The following METTL6 variants were observed in gnomAD, a reference collection of about 807,000 sequenced individuals.
METTL6 encodes the protein methyltransferase 6, tRNA N3-cytidine, also known as tRNA N(3)-cytidine methyltransferase METTL6.
In METTL6, 22 loss-of-function variants were observed where a neutral mutation model predicts 26.4. The ratio of observed to expected loss-of-function variants is 0.83; its 90% confidence interval spans 0.59 to 1.19. METTL6 has a LOEUF of 1.19. Ranked by LOEUF, METTL6 falls within the 50% of genes most tolerant of loss-of-function variation. METTL6 has a pLI of 0.00. For missense variants in METTL6, 304 were observed against 324.8 expected (o/e 0.94, Z 0.49); for synonymous variants, 109 against 116.2 (o/e 0.94, Z 0.40).
chr3:15,413,983 G>A, intron 5 of METTL6, 38 bp downstream of exon 5: 1 of 1,613,050 alleles, frequency 6.2e-7, no homozygotes, highest in Non-Finnish European at 8.5e-7. Context: ...CAGAAACAAA[G>A]AATAAAACAT....
At chr3:15,400,028 T>G (rs1699597415) in intron 6 of METTL6, among the ~76,000 whole-genome samples, 1 of 152,104 alleles carries the variant, frequency 6.6e-6, no homozygotes. Flanking sequence ...CCCCCTTATC[T>G]GCCTAGAGAT....
At chr3:15,403,001 G>C (rs1489814168) in intron 6 of METTL6, among the ~76,000 whole-genome samples, 1 of 152,166 alleles carries the variant, frequency 6.6e-6, no homozygotes, top group African/African-American at 2.4e-5. Context: ...CCTAAAGTTA[G>C]TTCAGGAATG....
At position 15,410,358 on chromosome 3, in the gene METTL6, T is replaced by C. The variant is rs984197003; in HGVS notation, c.*898A>G. Among the ~76,000 whole-genome samples, 1 of 152,220 alleles carries C rather than the reference T, an allele frequency of 6.6e-6. No individual in the cohort carries two copies. The highest frequency in any genetic ancestry group is 1.5e-5 in the Non-Finnish European group (1 of 68,044). ...TTTTTTTTGAGACAGACTTTTGCTC[T>C]GTCGCCCAGGCTGGAGTGCAGTAGC... On this transcript the variant is annotated 3_prime_UTR_variant, in exon 6 of 6. Transcript: ENST00000383790.
intron 5 of METTL6, 122 bp from the exon 6 acceptor site, chr3:15,411,559 C>A: frequency 1.2e-5 from 12 of 968,248 alleles, no homozygotes. Flanking sequence ...AACCTCAATG[C>A]TAAAATTTAA....
chr3:15,388,916 C>T (rs1226501585), intron 6 of METTL6, among the ~76,000 whole-genome samples: 1 of 152,168 alleles, frequency 6.6e-6, no homozygotes, highest in African/African-American at 2.4e-5. Flanking sequence ...AGAGTTGGTT[C>T]AGTCAGATCT....
At chr3:15,420,574 T>C (rs80298968) in intron 3 of METTL6, among the ~76,000 whole-genome samples, 3,359 of 152,282 alleles carry the variant, frequency 0.022, 109 homozygotes, top group African/African-American at 0.075. Context: ...TTTATACCAA[T>C]GTGTTTACAG....
chr3:15,383,404 T>C (rs1291156879), exon 7 of METTL6: 1 of 111,164 alleles, frequency 9.0e-6, no homozygotes, highest in African/African-American at 5.1e-5. Context: ...TTATTTTTAC[T>C]TTTTTTTTTT....
intron 5 of METTL6, among the ~76,000 whole-genome samples, chr3:15,411,785 G>A (rs1402602129): frequency 6.7e-6 from 1 of 149,818 alleles, no homozygotes; most frequent in Admixed American, 6.7e-5. Context: ...TTTTTTTTGA[G>A]ACACAATGTC....
chr3:15,405,983 A>C (rs1263614422), downstream of METTL6, among the ~76,000 whole-genome samples: 1 of 152,032 alleles, frequency 6.6e-6, no homozygotes. Flanking sequence ...TATTAGCACT[A>C]TTGTATGGAG....
At chr3:15,413,803 G>T (rs1336083758) in intron 5 of METTL6, 1 of 1,477,012 alleles carries the variant, frequency 6.8e-7, no homozygotes, top group South Asian at 1.2e-5. Flanking sequence ...GCTCATTAGG[G>T]GAGTCACTGA....
rs1185783905 is a variant in METTL6, at chr3:15,426,476, C to A, written c.36G>T (p.Arg12Ser). The A allele has an allele frequency of 1.2e-6, 2 of 1,614,166 alleles. No homozygotes were observed. Among genetic ancestry groups the A allele is most frequent in the Admixed American group, 1.7e-5 (1 of 60,026 alleles). Residue 12 changes from arginine (R) to serine (S), a missense_variant, in exon 2 of 6, where the codon AGG becomes AGT. Physicochemically the swap from Arg to Ser is moderately radical, Grantham distance 110 (BLOSUM62 -1). Transcript: ENST00000383790. Reference sequence around the variant, plus strand: ...TCTCCTCTTCTTCAGAGGTGAGAATCCTTGCCTGCAGCCCTTTCCTTTGCA... The same window carrying A: ...TCTCCTCTTCTTCAGAGGTGAGAATACTTGCCTGCAGCCCTTTCCTTTGCA... ...ASLQRKGLQA[R>S]ILTSEEEEKL... is the part of the protein sequence containing the mutation.
At chr3:15,400,272 C>T (rs1699607227) in intron 6 of METTL6, among the ~76,000 whole-genome samples, 1 of 152,110 alleles carries the variant, frequency 6.6e-6, no homozygotes. Context: ...TCCACACCCT[C>T]TCTGCACCCC....
rs1247620894 is a variant in METTL6 at position 15,410,701 on chromosome 3, T to G, written c.*555A>C. Among the ~76,000 whole-genome samples the G allele has an allele frequency of 1.3e-5, 2 of 151,962 alleles. No individual in the cohort carries two copies. The highest frequency in any genetic ancestry group is 4.8e-5 in the African/African-American group (2 of 41,362). On this transcript the variant is annotated 3_prime_UTR_variant, in exon 6 of 6. Coordinates refer to ENST00000383790, the MANE Select transcript of METTL6 (RefSeq NM_152396.4). ...ATGGATAAAGCGGGACTACTGTACA[T>G]GCTCATTAAAAAAAATTAAGGGCCA...
At chr3:15,391,332 C>A (rs1167428852) in intron 6 of METTL6, among the ~76,000 whole-genome samples, 1 of 152,128 alleles carries the variant, frequency 6.6e-6, no homozygotes, top group East Asian at 1.9e-4. Flanking sequence ...TACCCAGGAG[C>A]CCAGCCCTTC....
chr3:15,397,092 C>G (rs576436614), intron 6 of METTL6, among the ~76,000 whole-genome samples: 26 of 152,332 alleles, frequency 1.7e-4, no homozygotes, highest in African/African-American at 5.8e-4. Context: ...GTGGAGTCTA[C>G]AGAGGCAGGC....
At chr3:15,389,876 G>C (rs1322234065) in intron 6 of METTL6, among the ~76,000 whole-genome samples, 2 of 136,106 alleles carry the variant, frequency 1.5e-5, no homozygotes, top group African/African-American at 2.8e-5. Flanking sequence ...TTTTTAAAGA[G>C]AAAGAATCTT....
chr3:15,382,816 C>T (rs1699108911), exon 7 of METTL6: 1 of 150,778 alleles, frequency 6.6e-6, no homozygotes, highest in Admixed American at 6.6e-5. Context: ...CAAGGACATT[C>T]TATCATTTGC....
chr3:15,390,419 C>T (rs762248613), intron 6 of METTL6, among the ~76,000 whole-genome samples: 63 of 152,118 alleles, frequency 4.1e-4, no homozygotes, highest in South Asian at 2.1e-4. Flanking sequence ...CAGAGCAAGA[C>T]TCTGTCTCAA....
Position 15,427,456 on chromosome 3 carries a change from C to A in METTL6, c.-179G>T. ...GCAGAATACGGGAAGAACCGCGAAA[C>A]AACCCTAAACCAATTCTGAGGACCA... On this transcript the variant is annotated 5_prime_UTR_variant, in exon 1 of 6. Transcript: ENST00000383790. 5.5e-6 allele frequency: 2 copies of A among 361,942 alleles called. No homozygotes were observed. The highest frequency in any genetic ancestry group is 5.2e-5 in the South Asian group (2 of 38,184). 22.4% of individuals were successfully genotyped at this position (361,942 alleles called of 1,614,324 possible).
Sources: gnomAD v4.1 joint callset for allele counts (sites outside exome capture counted in the v4.1 genomes callset) on GRCh38, gnomAD v4.1.1 for gene constraint, MANE v1.5 for transcripts, NCBI Gene and HGNC (gene_info 2026-07-23, HGNC 2026-07-21) for gene names.